ANK3: variants seen among roughly 807,000 people sequenced by gnomAD.
ANK3 encodes ankyrin-3.
ANK3 carries 57 observed loss-of-function variants against 370.9 expected under a neutral mutation model. That is an observed-to-expected ratio of 0.15 (90% CI 0.12 to 0.19). The LOEUF (loss-of-function observed/expected upper bound fraction) is 0.19. Among genes scored for constraint, ANK3 ranks in the 10% least tolerant of loss-of-function variants. The pLI is 1.00. For missense variants in ANK3, 4,439 were observed against 5,302.1 expected, an observed-to-expected ratio of 0.84 and a Z score of 5.06; for synonymous variants, 1,929 against 1,946.3, an observed-to-expected ratio of 0.99 and a Z score of 0.23.
intron 2 of ANK3, among the ~76,000 whole-genome samples, chr10:60,450,847 C>T (rs2064582182): frequency 6.6e-6 from 1 of 152,196 alleles, no homozygotes; most frequent in Non-Finnish European, 1.5e-5. Context: ...TCACTTTTTC[C>T]TAATACAGAC....
At chr10:60,573,008 G>T (rs2077634262) in intron 2 of ANK3, 7 of 987,188 alleles carry the variant, frequency 7.1e-6, no homozygotes, top group South Asian at 4.7e-5. Flanking sequence ...CTTCTAGCAG[G>T]CTGGGAAGCT....
At chr10:60,327,257 G>A (rs1375523472) in intron 1 of ANK3, among the ~76,000 whole-genome samples, 1 of 152,140 alleles carries the variant, frequency 6.6e-6, no homozygotes, top group African/African-American at 2.4e-5. Flanking sequence ...GGGTGCACAT[G>A]GATTTAGCAA....
At chr10:60,699,290 TA>T (rs931315397) in intron 1 of ANK3, among the ~76,000 whole-genome samples, 304 of 151,474 alleles carry the variant, frequency 2.0e-3, no homozygotes, top group Non-Finnish European at 1.4e-3. Context: ...ATAAATAGAT[TA>T]AAAAAAAGAT....
rs200291422 is a variant in ANK3 at position 60,287,870 on chromosome 10, G to GC, written c.115-8232dup. 9.5e-3 allele frequency among the ~76,000 whole-genome samples: 1,439 copies of GC among 152,072 alleles called. 25 individuals carry two copies. The highest frequency in any genetic ancestry group is 0.033 in the African/African-American group (1,386 of 41,464). Reference sequence around the variant, plus strand: ...GTTGTGTGTGCCTATCTTCAGTTTCGCCCCCAATAGGTCTACTCTTATCTG... The same window carrying GC: ...GTTGTGTGTGCCTATCTTCAGTTTCGCCCCCCAATAGGTCTACTCTTATCTG... On this transcript the variant is annotated intron_variant, in intron 1 of 43. Coordinates refer to ENST00000280772, the MANE Select transcript of ANK3 (RefSeq NM_020987.5).
At chr10:60,173,271 T>A in intron 18 of ANK3, 85 bp from the exon 19 acceptor site, 1 of 1,097,424 alleles carries the variant, frequency 9.1e-7, no homozygotes, top group Non-Finnish European at 1.3e-6. Flanking sequence ...AATCATTATT[T>A]AACCTTTCTT....
At chr10:60,449,728 C>T (rs74784835) in intron 2 of ANK3, among the ~76,000 whole-genome samples, 3 of 152,184 alleles carry the variant, frequency 2.0e-5, no homozygotes, top group Non-Finnish European at 4.4e-5. Context: ...TGGCATTACT[C>T]TCTTCATTTA....
intron 2 of ANK3, among the ~76,000 whole-genome samples, chr10:60,444,444 GTATA>G (rs372579717): frequency 1.1e-4 from 16 of 148,804 alleles, no homozygotes; most frequent in African/African-American, 2.5e-4. Context: ...GTGTGTGTGT[GTATA>G]TATATATATA....
chr10:60,527,115 G>A (rs1489804590), intron 2 of ANK3, among the ~76,000 whole-genome samples: 1 of 152,068 alleles, frequency 6.6e-6, no homozygotes, highest in Non-Finnish European at 1.5e-5. Context: ...AAAAGAAATT[G>A]TAGAAAACAA....
chr10:60,139,863 C>G (rs2094491615), intron 23 of ANK3: 1 of 158,008 alleles, frequency 6.3e-6, no homozygotes, highest in Admixed American at 6.4e-5. Context: ...GGAAAAACCA[C>G]ATTCCAAGAG....
Position 60,643,697 on chromosome 10 carries a change from T to C in ANK3, c.58-28473A>G, listed in dbSNP as rs1045604211. On this transcript the variant is annotated intron_variant, in intron 1 of 43. Transcript: ENST00000373827. The stretch of plus-strand genomic sequence containing the variant: ...GATGGGCATATCCACATAGCCCAGA[T>C]TGACATGTGACCCCATCTCCCGAAG... 3.3e-5 allele frequency among the ~76,000 whole-genome samples: 5 copies of C among 152,202 alleles called. No individual in the cohort carries two copies. In the East Asian group the frequency reaches 5.8e-4, roughly 18 times the overall value.
intron 2 of ANK3, among the ~76,000 whole-genome samples, chr10:60,608,935 G>T (rs1005856391): frequency 6.6e-6 from 1 of 152,086 alleles, no homozygotes; most frequent in African/African-American, 2.4e-5. Flanking sequence ...CCAAGTTCTT[G>T]TCTACTGCTT....
chr10:60,217,375 G>A (rs2096956835), intron 8 of ANK3, among the ~76,000 whole-genome samples: 2 of 152,034 alleles, frequency 1.3e-5, no homozygotes, highest in South Asian at 4.1e-4. Flanking sequence ...GATCTTTCAA[G>A]CTTTCTGATG....
chr10:60,070,515 C>T lies in ANK3; in HGVS notation c.10366G>A (p.Asp3456Asn). 3 of 1,614,138 alleles carry T rather than the reference C, an allele frequency of 1.9e-6. No homozygotes were observed. The highest frequency in any genetic ancestry group is 2.5e-6 in the Non-Finnish European group (3 of 1,180,012). The change falls in exon 37 of 44, where the codon GAC becomes AAC. Residue 3456 changes from aspartate (D) to asparagine (N), a missense_variant. Physicochemically the swap from Asp to Asn is conservative, Grantham distance 23 (BLOSUM62 1). Around this residue, in one of 13 missense-constraint regions of ANK3, gnomAD observed 1,601 missense variants for 1,731.7 expected, o/e 0.92. Transcript: ENST00000280772. This position sits in a 1 kb window ranked among gnomAD's most constrained non-coding sequence, Gnocchi z 5.7. ...WNTEGILKPA[D>N]RSFSQSKLEV... ...AGTTTACTTTGGCTAAAAGAGCGGTCAGCTGGCTTCAGAATGCCCTCTGTG... is the reference window on the plus strand; with the variant it reads ...AGTTTACTTTGGCTAAAAGAGCGGTTAGCTGGCTTCAGAATGCCCTCTGTG...
At chr10:60,332,003 C>T (rs2051461902) in intron 1 of ANK3, among the ~76,000 whole-genome samples, 1 of 151,242 alleles carries the variant, frequency 6.6e-6, no homozygotes, top group South Asian at 2.1e-4. Context: ...CTGAGTAATT[C>T]ATTTGAACAA....
chr10:60,155,986 C>A (rs1398309572), intron 23 of ANK3, among the ~76,000 whole-genome samples: 1 of 152,164 alleles, frequency 6.6e-6, no homozygotes, highest in African/African-American at 2.4e-5. Flanking sequence ...TTGCAGATGG[C>A]CTGTGAGACT....
chr10:60,606,351 A>C lies in ANK3; in HGVS notation c.96+8835T>G, dbSNP rs530864453. Among the ~76,000 whole-genome samples, 8 of 152,232 alleles carry C rather than the reference A, an allele frequency of 5.3e-5. No homozygotes were observed. The South Asian group carries it at 1.7e-3, about 32-fold the overall frequency. ...ATTAATCAAATTAATTGGTCTCATG[A>C]GATTTTTTTTTTAAAGTACACAGGA... On this transcript the variant is annotated intron_variant, in intron 2 of 43. Coordinates refer to the ANK3 transcript ENST00000373827.
chr10:60,407,660 G>C (rs1490698748), intron 2 of ANK3, among the ~76,000 whole-genome samples: 1 of 152,104 alleles, frequency 6.6e-6, no homozygotes, highest in African/African-American at 2.4e-5. Context: ...ACCATCTTAT[G>C]ACTTTGTAAT....
intron 2 of ANK3, among the ~76,000 whole-genome samples, chr10:60,449,670 C>G (rs781464318): frequency 4.6e-5 from 7 of 152,168 alleles, no homozygotes; most frequent in Non-Finnish European, 7.3e-5. Context: ...ATAATCATAC[C>G]TGCTTTCACA....
At chr10:60,497,127 T>C (rs967604581) in intron 2 of ANK3, among the ~76,000 whole-genome samples, 1 of 151,952 alleles carries the variant, frequency 6.6e-6, no homozygotes, top group South Asian at 2.1e-4. Flanking sequence ...CATGGTGAGA[T>C]GCTGTCACTA....
Sources: gnomAD v4.1 joint callset for allele counts (sites outside exome capture counted in the v4.1 genomes callset) on GRCh38, gnomAD v4.1.1 for gene constraint, gnomAD v4.1.1 regional missense constraint, Gnocchi (gnomAD v3.1) non-coding constraint, MANE v1.5 for transcripts, NCBI Gene and HGNC (gene_info 2026-07-23, HGNC 2026-07-21) for gene names.